Variants in KCND2 observed in about 807,000 individuals in gnomAD.
KCND2 encodes the protein A-type voltage-gated potassium channel KCND2.
A neutral mutation model predicts 54.4 loss-of-function variants in KCND2; 16 were observed. That is an observed-to-expected ratio of 0.29 (90% CI 0.20 to 0.45). The LOEUF is 0.45. Among genes scored for constraint, KCND2 ranks in the 20% least tolerant of loss-of-function variants. The pLI is 1.00. For synonymous variants in KCND2, 317 were observed against 310.7 expected, an observed-to-expected ratio of 1.02 and a Z score of -0.21; for missense variants, 486 against 824.2, an observed-to-expected ratio of 0.59 and a Z score of 5.02.
At chr7:120,676,344 C>G (rs1230386842) in intron 1 of KCND2, among the ~76,000 whole-genome samples, 1 of 151,688 alleles carries the variant, frequency 6.6e-6, no homozygotes, top group African/African-American at 2.4e-5. Context: ...AACTGTAAAC[C>G]CATTTTGGAT....
chr7:120,510,183 A>T, intron 1 of KCND2, among the ~76,000 whole-genome samples: 1 of 152,168 alleles, frequency 6.6e-6, no homozygotes, highest in East Asian at 1.9e-4. Context: ...ATTATAGCAT[A>T]TTAAGTACAA....
intron 1 of KCND2, among the ~76,000 whole-genome samples, chr7:120,726,799 C>T (rs1468111174): frequency 6.6e-6 from 1 of 152,172 alleles, no homozygotes; most frequent in Non-Finnish European, 1.5e-5. Flanking sequence ...ACAGAATGCT[C>T]CTGAACTTCT....
intron 1 of KCND2, among the ~76,000 whole-genome samples, chr7:120,549,402 A>G (rs952799490): frequency 6.6e-6 from 1 of 152,186 alleles, no homozygotes; most frequent in Non-Finnish European, 1.5e-5. Flanking sequence ...AAAGCAAGAG[A>G]AAACAGAAAG....
chr7:120,471,545 C>T (rs1446683117), intron 1 of KCND2, among the ~76,000 whole-genome samples: 1 of 151,992 alleles, frequency 6.6e-6, no homozygotes, highest in African/African-American at 2.4e-5. Flanking sequence ...ACTTGGGTAG[C>T]ATTCTAATAA....
At chr7:120,640,129 G>A (rs553433444) in intron 1 of KCND2, among the ~76,000 whole-genome samples, 10 of 152,198 alleles carry the variant, frequency 6.6e-5, no homozygotes, top group African/African-American at 2.4e-4. Context: ...ATCCTGTGGT[G>A]TGTGTTGATG....
intron 1 of KCND2, among the ~76,000 whole-genome samples, chr7:120,542,857 A>G (rs183524403): frequency 6.6e-6 from 1 of 152,262 alleles, no homozygotes; most frequent in Admixed American, 6.6e-5. Context: ...CTCACTTGCT[A>G]TCAGTCAGGC....
chr7:120,491,917 A>G (rs1258138366), intron 1 of KCND2, among the ~76,000 whole-genome samples: 3 of 152,162 alleles, frequency 2.0e-5, no homozygotes, highest in Non-Finnish European at 4.4e-5. Flanking sequence ...CAACAATAAC[A>G]TTTTTAATTT....
At chr7:120,546,677 G>A (rs1792045897) in intron 1 of KCND2, among the ~76,000 whole-genome samples, 1 of 151,862 alleles carries the variant, frequency 6.6e-6, no homozygotes, top group Non-Finnish European at 1.5e-5. Context: ...TAAGGCCTTG[G>A]AAATATTTAA....
intron 1 of KCND2, among the ~76,000 whole-genome samples, chr7:120,731,934 A>C (rs2116142827): frequency 6.6e-6 from 1 of 152,250 alleles, no homozygotes; most frequent in East Asian, 1.9e-4. Flanking sequence ...TATTTGAGAG[A>C]GGAAGAGGAA....
At chr7:120,507,415 A>G (rs1364123883) in intron 1 of KCND2, among the ~76,000 whole-genome samples, 1 of 151,970 alleles carries the variant, frequency 6.6e-6, no homozygotes, top group African/African-American at 2.4e-5. Flanking sequence ...ACTTATGGCT[A>G]CATGGGTAAA....
intron 1 of KCND2, among the ~76,000 whole-genome samples, chr7:120,341,205 T>C (rs78181465): frequency 0.012 from 1,777 of 152,088 alleles, 15 homozygotes; most frequent in Non-Finnish European, 0.018. Context: ...AGCATTAGGG[T>C]GGAGGTGTTC....
At position 120,699,712 on chromosome 7, in the gene KCND2, T is replaced by C. The variant is rs539647842; in HGVS notation, c.1116-33191T>C. On this transcript the variant is annotated intron_variant, in intron 1 of 5. Transcript: ENST00000331113. ...GTGATGTCAGAGAAATGTCAAATGG[T>C]GATGTCAAAGAAAGAATACTCTTGA... Among the ~76,000 whole-genome samples the C allele has an allele frequency of 1.3e-5, 2 of 152,256 alleles. 1 individual carries two copies. Among genetic ancestry groups the C allele is most frequent in the South Asian group, 4.1e-4 (2 of 4,824 alleles).
intron 1 of KCND2, among the ~76,000 whole-genome samples, chr7:120,314,910 GCT>G (rs1199434659): frequency 2.0e-5 from 3 of 151,888 alleles, no homozygotes; most frequent in African/African-American, 7.3e-5. Flanking sequence ...AAGTCACAGA[GCT>G]CTTTCTTTAC....
chr7:120,489,605 G>A (rs1029978), intron 1 of KCND2, among the ~76,000 whole-genome samples: 18,291 of 151,988 alleles, frequency 0.12, 1,652 homozygotes, highest in East Asian at 0.49. Flanking sequence ...TTTTCATATT[G>A]CATTTACAGA....
Position 120,361,386 on chromosome 7 carries a change from G to GCT in KCND2, c.1115+85652_1115+85653dup, listed in dbSNP as rs1051429090. ...TTGGAAATGGGACAAGTTCTCTCTC[G>GCT]CTCTCTCTCTCTCTTTTTTTTTTTT... On this transcript the variant is annotated intron_variant, in intron 1 of 5. Transcript: ENST00000331113. 7.8e-3 allele frequency among the ~76,000 whole-genome samples: 1,165 copies of GCT among 149,760 alleles called. 11 individuals carry two copies. Among genetic ancestry groups the GCT allele is most frequent in the African/African-American group, 0.027 (1,090 of 40,828 alleles).
intron 1 of KCND2, among the ~76,000 whole-genome samples, chr7:120,538,090 T>C (rs933639051): frequency 3.3e-5 from 5 of 152,208 alleles, no homozygotes; most frequent in Non-Finnish European, 5.9e-5. Context: ...GCTTTTGGTT[T>C]AAAGTGAAAG....
At chr7:120,537,779 C>G (rs947006505) in intron 1 of KCND2, among the ~76,000 whole-genome samples, 1 of 152,196 alleles carries the variant, frequency 6.6e-6, no homozygotes, top group African/African-American at 2.4e-5. Context: ...CTGCAGCTTC[C>G]TCACCTCTCT....
At chr7:120,427,443 T>C (rs1249631386) in intron 1 of KCND2, among the ~76,000 whole-genome samples, 2 of 152,160 alleles carry the variant, frequency 1.3e-5, no homozygotes, top group Non-Finnish European at 2.9e-5. Flanking sequence ...TTTTTTAGTC[T>C]TTACATTAGA....
At chr7:120,632,859 C>G (rs1793255020) in intron 1 of KCND2, among the ~76,000 whole-genome samples, 1 of 152,122 alleles carries the variant, frequency 6.6e-6, no homozygotes, top group Non-Finnish European at 1.5e-5. Context: ...GCTAGACAAG[C>G]CAACATCTAC....
Sources: allele counts gnomAD v4.1 joint callset (sites outside exome capture counted in the v4.1 genomes callset), GRCh38; gene constraint gnomAD v4.1.1; transcripts MANE v1.5; gene names NCBI Gene and HGNC (gene_info 2026-07-23, HGNC 2026-07-21).